Variants in CNKSR3 observed in about 807,000 individuals in gnomAD.
CNKSR3 encodes connector enhancer of kinase suppressor of ras 3.
A neutral mutation model predicts 67.7 loss-of-function variants in CNKSR3; 36 were observed. The observed-to-expected ratio is 0.53, with a 90% CI of 0.41 to 0.70. The LOEUF is 0.70. Ranked by LOEUF, CNKSR3 falls within the 30% of genes least tolerant of loss-of-function variation. The pLI, the probability that CNKSR3 is intolerant of heterozygous loss-of-function variation, is 0.00. For missense variants in CNKSR3, 630 were observed against 695.2 expected (o/e 0.91, Z 1.05); for synonymous variants, 281 against 271.4 (o/e 1.04, Z -0.35).
intron 9 of CNKSR3, among the ~76,000 whole-genome samples, chr6:154,415,657 T>C (rs1785010483): frequency 6.6e-6 from 1 of 152,210 alleles, no homozygotes; most frequent in African/African-American, 2.4e-5. Flanking sequence ...AGGTAACACA[T>C]GTAAACAACT....
At chr6:154,476,291 T>C (rs893412382) in intron 1 of CNKSR3, among the ~76,000 whole-genome samples, 4 of 152,016 alleles carry the variant, frequency 2.6e-5, no homozygotes, top group African/African-American at 9.7e-5. Flanking sequence ...ACCCTGTCTC[T>C]ACTAAAAACA....
At chr6:154,433,703 G>A (rs893928132) in intron 4 of CNKSR3, 196 bp from the exon 5 acceptor site, 24 of 540,696 alleles carry the variant, frequency 4.4e-5, no homozygotes, top group Middle Eastern at 5.6e-4. Context: ...ACCTTCCGAA[G>A]GTCCTGCTCT....
At chr6:154,458,598 T>C (rs1786007923) in intron 1 of CNKSR3, among the ~76,000 whole-genome samples, 1 of 152,114 alleles carries the variant, frequency 6.6e-6, no homozygotes, top group African/African-American at 2.4e-5. Context: ...GCCCCTTTGC[T>C]GCCTACTCCC....
chr6:154,432,805 C>G (rs1224381821), intron 5 of CNKSR3, among the ~76,000 whole-genome samples: 2 of 152,216 alleles, frequency 1.3e-5, no homozygotes, highest in East Asian at 3.8e-4. Context: ...CCCAATCAGA[C>G]TCATCTAACC....
chr6:154,414,433 G>C lies in CNKSR3; in HGVS notation c.946-10C>G. ...CGGGTGGAGGTGAGGTCTGAAACAG[G>C]AGTAACACAGCAATGCAAAGAGTGG... On this transcript the variant is annotated splice_polypyrimidine_tract_variant and intron_variant, in intron 9 of 12. Transcript: ENST00000607772. 6.3e-7 allele frequency: 1 copy of C among 1,577,444 alleles called. No homozygotes were observed. Among genetic ancestry groups the C allele is most frequent in the East Asian group, 2.2e-5 (1 of 44,658 alleles).
chr6:154,510,188 T>G lies in CNKSR3; in HGVS notation c.-74A>C. On this transcript the variant is annotated 5_prime_UTR_variant, in exon 1 of 13. Transcript: ENST00000607772. ...CTGCTGCCTGCGCTCCGGTGCCCCT[T>G]CCCGGGAGGGCGCGCCCGCGGCTGC... is the stretch of plus-strand genomic sequence containing the variant. The G allele has an allele frequency of 1.3e-6, 2 of 1,576,612 alleles. No individual in the cohort carries two copies. Among genetic ancestry groups the G allele is most frequent in the Non-Finnish European group, 1.7e-6 (2 of 1,148,726 alleles).
chr6:154,428,235 A>T, intron 6 of CNKSR3, 48 bp from the exon 7 acceptor site: 1 of 1,203,388 alleles, frequency 8.3e-7, no homozygotes, highest in Non-Finnish European at 1.2e-6. Context: ...ACGTTTAGAG[A>T]CATAGCCCCG....
intron 1 of CNKSR3, among the ~76,000 whole-genome samples, chr6:154,506,508 T>C (rs1265921563): frequency 6.6e-6 from 1 of 152,238 alleles, no homozygotes; most frequent in African/African-American, 2.4e-5. Context: ...GGCTGCTACC[T>C]GTCTTCTGTC....
intron 3 of CNKSR3, among the ~76,000 whole-genome samples, chr6:154,441,740 T>TTA (rs1785592189): frequency 2.0e-5 from 3 of 149,456 alleles, no homozygotes; most frequent in African/African-American, 7.5e-5. Context: ...AGGAATAGAT[T>TTA]AAAAACAAAA....
In CNKSR3 at chr6:154,406,430, G is replaced by A. The variant is rs1294328034; in HGVS notation, c.1592C>T (p.Ser531Leu). ...EEGTKKKSGSSATKSSSTEPS... is the reference protein window; with the variant it reads ...EEGTKKKSGSLATKSSSTEPS... ...TTCTGTGGACGAGGACTTCGTAGCT[G>A]AGGAGCCAGATTTCTTTTTGGTCCC... Residue 531 changes from serine (S) to leucine (L), a missense_variant, in exon 13 of 13, where the codon TCA becomes TTA. By Grantham distance (145) the Ser-to-Leu change is moderately radical. Transcript: ENST00000607772. 6.2e-7 allele frequency: 1 copy of A among 1,614,188 alleles called. No individual in the cohort carries two copies. Among genetic ancestry groups the A allele is most frequent in the South Asian group, 1.1e-5 (1 of 91,086 alleles).
intron 9 of CNKSR3, among the ~76,000 whole-genome samples, chr6:154,420,416 G>C (rs529244489): frequency 6.6e-6 from 1 of 152,004 alleles, no homozygotes; most frequent in African/African-American, 2.4e-5. Flanking sequence ...GTGGCCGGGC[G>C]CGGTGGCTCA....
At chr6:154,415,577 C>G (rs1222804184) in intron 9 of CNKSR3, among the ~76,000 whole-genome samples, 1 of 151,960 alleles carries the variant, frequency 6.6e-6, no homozygotes, top group East Asian at 1.9e-4. Flanking sequence ...GTCTCTGTGC[C>G]CCATCTATAA....
chr6:154,510,489 C>T lies in CNKSR3; in HGVS notation c.-375G>A, dbSNP rs544611260. On this transcript the variant is annotated 5_prime_UTR_variant, in exon 1 of 13. Coordinates refer to ENST00000607772, the MANE Select transcript of CNKSR3 (RefSeq NM_173515.4). ...CCACTTCCTCGGATCTCTCGAGGCGCGATCGGCTCTCCCTCGGCCGGTCTT... is the reference window on the plus strand; with the variant it reads ...CCACTTCCTCGGATCTCTCGAGGCGTGATCGGCTCTCCCTCGGCCGGTCTT... 1.8e-5 allele frequency: 5 copies of T among 272,946 alleles called. No individual in the cohort carries two copies. The highest frequency in any genetic ancestry group is 3.5e-5 in the Non-Finnish European group (5 of 144,890). The allele number at this position is 272,946 out of a possible 1,614,324, so 16.9% of individuals were successfully genotyped here.
chr6:154,434,602 A>G (rs1386241281), intron 4 of CNKSR3, among the ~76,000 whole-genome samples: 3 of 152,146 alleles, frequency 2.0e-5, no homozygotes, highest in Non-Finnish European at 4.4e-5. Flanking sequence ...TTTGTTTAAA[A>G]TTTTTTCTAC....
At chr6:154,464,653 T>C (rs1582881896) in intron 1 of CNKSR3, among the ~76,000 whole-genome samples, 1 of 148,538 alleles carries the variant, frequency 6.7e-6, no homozygotes, top group African/African-American at 2.5e-5. Flanking sequence ...GAGGTGGAGG[T>C]TGCAGTGAGC....
intron 4 of CNKSR3, 50 bp downstream of exon 4, chr6:154,441,242 C>CA (rs34887626): frequency 0.021 from 17,681 of 838,268 alleles, 167 homozygotes; most frequent in Non-Finnish European, 0.023. Context: ...AGAGGAAAAG[C>CA]AAAAAAAAAA....
At position 154,404,374 on chromosome 6, in the gene CNKSR3, T is replaced by C. The variant is rs947148166; in HGVS notation, c.*1980A>G. 6.6e-6 allele frequency: 1 copy of C among 152,220 alleles called. No homozygotes were observed. Among genetic ancestry groups the C allele is most frequent in the Non-Finnish European group, 1.5e-5 (1 of 68,188 alleles). 9.4% of individuals were successfully genotyped at this position (152,220 alleles called of 1,614,324 possible). On this transcript the variant is annotated 3_prime_UTR_variant, in exon 13 of 13. Transcript: ENST00000607772. Reference sequence around the variant, plus strand: ...ACCACCATGCGAAGCTGATTTTTAGTAGAGACAGGGTTTCACCATGTTGGC... The same window carrying C: ...ACCACCATGCGAAGCTGATTTTTAGCAGAGACAGGGTTTCACCATGTTGGC...
chr6:154,426,072 A>G (rs72995409), intron 7 of CNKSR3, among the ~76,000 whole-genome samples: 3,976 of 152,318 alleles, frequency 0.026, 87 homozygotes, highest in Non-Finnish European at 0.043. Context: ...CAGGTCCTCA[A>G]TAAATGCGAA....
intron 7 of CNKSR3, among the ~76,000 whole-genome samples, chr6:154,424,179 C>T (rs1046343758): frequency 6.7e-6 from 1 of 148,174 alleles, no homozygotes; most frequent in African/African-American, 2.5e-5. Context: ...TGCAGTGAGC[C>T]GAGATCGCGC....
Sources: gnomAD v4.1 joint callset for allele counts (sites outside exome capture counted in the v4.1 genomes callset) on GRCh38, gnomAD v4.1.1 for gene constraint, MANE v1.5 for transcripts, NCBI Gene and HGNC (gene_info 2026-07-23, HGNC 2026-07-21) for gene names.